NAALADL2: variants seen among roughly 807,000 people sequenced by gnomAD.
NAALADL2 encodes N-acetylated alpha-linked acidic dipeptidase like 2.
A neutral mutation model predicts 87.2 loss-of-function variants in NAALADL2; 76 were observed. The ratio of observed to expected loss-of-function variants is 0.87; its 90% CI spans 0.72 to 1.05. The LOEUF (loss-of-function observed/expected upper bound fraction) is 1.05. Ranked by LOEUF, NAALADL2 falls within the 50% of genes least tolerant of loss-of-function variation. The probability of loss-of-function intolerance (pLI) is 0.00; values close to 1 mark genes in which losing one functional copy is unlikely to be tolerated. For missense variants in NAALADL2, 1,089 were observed against 945.8 expected, an observed-to-expected ratio of 1.15 and a Z score of -1.99; for synonymous variants, 354 against 331.0, an observed-to-expected ratio of 1.07 and a Z score of -0.75.
intron 1 of NAALADL2, among the ~76,000 whole-genome samples, chr3:175,093,267 A>G (rs929777126): frequency 1.3e-5 from 2 of 151,544 alleles, no homozygotes; most frequent in Non-Finnish European, 3.0e-5. Context: ...GAAACGTGAT[A>G]TGTTTTTGTC....
chr3:174,978,857 T>A (rs1744722886), intron 1 of NAALADL2, among the ~76,000 whole-genome samples: 1 of 152,206 alleles, frequency 6.6e-6, no homozygotes, highest in African/African-American at 2.4e-5. Flanking sequence ...TGGAGGCACT[T>A]GTGTTTAATG....
chr3:175,673,816 T>G (rs1734337184), intron 11 of NAALADL2, among the ~76,000 whole-genome samples: 1 of 152,052 alleles, frequency 6.6e-6, no homozygotes, highest in Non-Finnish European at 1.5e-5. Flanking sequence ...AATCCCAACT[T>G]CCCAACTATT....
chr3:174,836,413 A>C (rs772596252), intron 3 of NAALADL2, among the ~76,000 whole-genome samples: 2 of 152,162 alleles, frequency 1.3e-5, no homozygotes, highest in African/African-American at 4.8e-5. Context: ...GTTGCACAAC[A>C]ATGTGAATGT....
intron 6 of NAALADL2, among the ~76,000 whole-genome samples, chr3:175,452,403 G>A (rs907865104): frequency 7.9e-5 from 12 of 151,918 alleles, no homozygotes; most frequent in African/African-American, 2.9e-4. Flanking sequence ...TTTTTTAGTA[G>A]GCCTTAAAAG....
intron 6 of NAALADL2, among the ~76,000 whole-genome samples, chr3:175,449,426 C>T (rs370018665): frequency 1.9e-4 from 25 of 131,272 alleles, no homozygotes; most frequent in South Asian, 4.8e-4. Flanking sequence ...GACAGAGTCT[C>T]GCTCTGTCTC....
At chr3:174,466,655 A>G (rs1433114448) in intron 1 of NAALADL2, among the ~76,000 whole-genome samples, 2 of 152,172 alleles carry the variant, frequency 1.3e-5, no homozygotes, top group Non-Finnish European at 2.9e-5. Flanking sequence ...ACCTCCTGTG[A>G]CAACCCTAAT....
chr3:175,423,577 C>G (rs1716251297), intron 5 of NAALADL2, among the ~76,000 whole-genome samples: 2 of 152,102 alleles, frequency 1.3e-5, no homozygotes, highest in African/African-American at 4.8e-5. Flanking sequence ...TCATCCATGT[C>G]CCTACAAAGG....
chr3:175,517,794 C>T (rs1732071293), intron 9 of NAALADL2, among the ~76,000 whole-genome samples: 1 of 152,054 alleles, frequency 6.6e-6, no homozygotes, highest in South Asian at 2.1e-4. Flanking sequence ...GAGAAGGGCA[C>T]ACAAATGGGA....
chr3:175,323,514 A>G (rs1418277724), intron 4 of NAALADL2, among the ~76,000 whole-genome samples: 1 of 152,130 alleles, frequency 6.6e-6, no homozygotes, highest in African/African-American at 2.4e-5. Flanking sequence ...AACCTTATGT[A>G]TGGTAGATCC....
rs1450508207 is a variant in NAALADL2, at chr3:174,913,544, G to A, written c.43+54094G>A. ...TAGGTTGTGGCAGTGGGCTTTGGGG[G>A]CAGTTGCCTCCACCTCAGGCTACTC... On this transcript the variant is annotated intron_variant, in intron 1 of 13. Coordinates refer to ENST00000454872, the MANE Select transcript of NAALADL2 (RefSeq NM_207015.3). Among the ~76,000 whole-genome samples, 4 of 152,100 alleles carry A rather than the reference G, an allele frequency of 2.6e-5. No individual in the cohort carries two copies. In the South Asian group the frequency reaches 8.3e-4, roughly 32 times the overall value.
At chr3:175,343,628 C>T (rs1762792311) in intron 5 of NAALADL2, among the ~76,000 whole-genome samples, 1 of 126,096 alleles carries the variant, frequency 7.9e-6, no homozygotes, top group Non-Finnish European at 1.7e-5. Flanking sequence ...TACGGGTCTG[C>T]CTGGAGTTCC....
intron 1 of NAALADL2, among the ~76,000 whole-genome samples, chr3:174,982,360 A>C (rs964784844): frequency 1.3e-5 from 2 of 152,310 alleles, no homozygotes; most frequent in East Asian, 3.9e-4. Flanking sequence ...ATAACTTAAA[A>C]AAAAAAGCTA....
chr3:175,039,129 G>T (rs1753753769), intron 1 of NAALADL2, among the ~76,000 whole-genome samples: 1 of 151,984 alleles, frequency 6.6e-6, no homozygotes, highest in South Asian at 2.1e-4. Flanking sequence ...TTATCTCCTG[G>T]TTTATTTTTT....
In NAALADL2 at chr3:175,068,065, T is replaced by C. The variant is rs910199608; in HGVS notation, c.44-28725T>C. Among the ~76,000 whole-genome samples, 58 of 152,008 alleles carry C rather than the reference T, an allele frequency of 3.8e-4. 1 individual carries two copies. The highest frequency in any genetic ancestry group is 1.4e-3 in the Admixed American group (21 of 15,226). ...GTACTCCTGGAAATAAAGATGGGAATGAGAGACTCTAGGAACTATTACAGT... is the reference window on the plus strand; with the variant it reads ...GTACTCCTGGAAATAAAGATGGGAACGAGAGACTCTAGGAACTATTACAGT... On this transcript the variant is annotated intron_variant, in intron 1 of 13. Coordinates refer to ENST00000454872, the MANE Select transcript of NAALADL2 (RefSeq NM_207015.3).
chr3:174,576,345 A>G (rs1715526689), intron 2 of NAALADL2, among the ~76,000 whole-genome samples: 1 of 152,194 alleles, frequency 6.6e-6, no homozygotes, highest in Non-Finnish European at 1.5e-5. Flanking sequence ...TTTGTATGGA[A>G]TGTATGTAGA....
chr3:174,796,793 A>G (rs1718153016), intron 3 of NAALADL2, among the ~76,000 whole-genome samples: 1 of 100,108 alleles, frequency 1.0e-5, no homozygotes, highest in African/African-American at 4.1e-5. Context: ...TTTGAGAAAT[A>G]TCTATTTGTG....
chr3:175,655,880 T>A (rs929560878), intron 11 of NAALADL2, among the ~76,000 whole-genome samples: 1 of 152,058 alleles, frequency 6.6e-6, no homozygotes, highest in Admixed American at 6.6e-5. Flanking sequence ...GGAAAATTAA[T>A]ATAAAAAGAA....
intron 1 of NAALADL2, among the ~76,000 whole-genome samples, chr3:174,448,775 C>T (rs1214705242): frequency 6.6e-6 from 1 of 152,106 alleles, no homozygotes; most frequent in Non-Finnish European, 1.5e-5. Context: ...AGTTGGTCAG[C>T]AGGAAGCAGG....
chr3:175,131,863 G>T (rs1182427660), intron 2 of NAALADL2, among the ~76,000 whole-genome samples: 1 of 73,166 alleles, frequency 1.4e-5, no homozygotes, highest in Non-Finnish European at 2.7e-5. Context: ...GGCTGGCCGG[G>T]CGGGGTCTGA....
Sources: gnomAD v4.1 joint callset for allele counts (sites outside exome capture counted in the v4.1 genomes callset) on GRCh38, gnomAD v4.1.1 for gene constraint, MANE v1.5 for transcripts, NCBI Gene and HGNC (gene_info 2026-07-23, HGNC 2026-07-21) for gene names.